The following NCOA4 variants were observed in gnomAD, a reference collection of about 807,000 sequenced individuals.
NCOA4 encodes the protein 70 kDa AR-activator.
A neutral mutation model predicts 69.5 loss-of-function variants in NCOA4; 31 were observed. The ratio of observed to expected loss-of-function variants is 0.45; its 90% confidence interval spans 0.34 to 0.60. NCOA4 has a LOEUF of 0.60. NCOA4 is among the 20% of genes least tolerant of loss of function. NCOA4 has a pLI of 0.02. For missense variants in NCOA4, 600 were observed against 719.2 expected, an observed-to-expected ratio of 0.83 and a Z score of 1.90; for synonymous variants, 228 against 252.4, an observed-to-expected ratio of 0.90 and a Z score of 0.92.
intron 1 of NCOA4, chr10:46,023,287 G>T: frequency 1.0e-6 from 1 of 985,466 alleles, no homozygotes; most frequent in Non-Finnish European, 1.2e-6. Context: ...AAGGCTACCG[G>T]CCTCAAGGGC....
chr10:46,009,659 C>T (rs1185399942), intron 8 of NCOA4, 108 bp from the exon 9 acceptor site: 2 of 1,055,154 alleles, frequency 1.9e-6, no homozygotes, highest in South Asian at 1.7e-5. Flanking sequence ...TGGCCATTCT[C>T]TGTAACAACC....
chr10:46,026,877 C>T (rs563820634), intron 1 of NCOA4, among the ~76,000 whole-genome samples: 1 of 152,078 alleles, frequency 6.6e-6, no homozygotes, highest in Non-Finnish European at 1.5e-5. Context: ...AATATTAAGC[C>T]CCAAAGGTGC....
At chr10:46,019,588 A>C (rs1455042475) in intron 1 of NCOA4, 2 of 910,810 alleles carry the variant, frequency 2.2e-6, no homozygotes, top group African/African-American at 3.6e-5. Flanking sequence ...TCCGGAACAT[A>C]CGGGAGACAA....
At chr10:46,012,108 A>AAAAAAAAG (rs1839268586) in intron 7 of NCOA4, among the ~76,000 whole-genome samples, 2 of 148,020 alleles carry the variant, frequency 1.4e-5, no homozygotes, top group South Asian at 2.1e-4. Context: ...AAAAAACGAA[A>AAAAAAAAG]AAAGAAAATA....
chr10:46,015,370 G>T, intron 2 of NCOA4, 104 bp from the exon 3 acceptor site: 5 of 432,784 alleles, frequency 1.2e-5, no homozygotes, highest in East Asian at 6.6e-5. Flanking sequence ...GTGGGGTTGG[G>T]GGGACCACAA....
At position 46,005,465 on chromosome 10, in the gene NCOA4, G is replaced by T. The variant is rs1554919293; in HGVS notation, c.*1127C>A. ...AAGAAGCTTAATAGTTTCAAAGTCT[G>T]GAAAGCAGCAAAGATATCTTAGAGA... is the stretch of plus-strand genomic sequence containing the variant. On this transcript the variant is annotated 3_prime_UTR_variant, in exon 10 of 10. Coordinates refer to ENST00000581486, the MANE Select transcript of NCOA4 (RefSeq NM_001145263.2). 1 of 220,374 alleles carries T rather than the reference G, an allele frequency of 4.5e-6. No individual in the cohort carries two copies. Among genetic ancestry groups the T allele is most frequent in the African/African-American group, 2.2e-5 (1 of 44,548 alleles). 13.7% of individuals were successfully genotyped at this position (220,374 alleles called of 1,614,324 possible). A position where few individuals can be genotyped will look rare whatever the true frequency, so the allele number is the denominator to read the frequency against.
intron 1 of NCOA4, chr10:46,027,422 T>A: frequency 6.4e-7 from 1 of 1,551,376 alleles, no homozygotes; most frequent in Non-Finnish European, 8.7e-7. Context: ...GAGATAGTAT[T>A]AATGCCTACC....
intron 1 of NCOA4, among the ~76,000 whole-genome samples, chr10:46,024,312 A>G (rs1840046627): frequency 6.6e-6 from 1 of 152,260 alleles, no homozygotes; most frequent in South Asian, 2.1e-4. Flanking sequence ...AAGGAATTCT[A>G]TTAAAATATA....
intron 4 of NCOA4, 147 bp downstream of exon 4, chr10:46,014,707 A>G (rs1336443130): frequency 2.6e-6 from 2 of 767,036 alleles, no homozygotes; most frequent in Non-Finnish European, 2.1e-6. Flanking sequence ...ATCAGCAAGT[A>G]TAATATTAAA....
rs150601782 is a variant in NCOA4 at position 46,010,436 on chromosome 10, C to T, written c.1485G>A (p.Ser495=). The T allele has an allele frequency of 1.9e-5, 30 of 1,614,176 alleles. No homozygotes were observed. In the African/African-American group the frequency reaches 2.3e-4, roughly 12 times the overall value. Residue 495 remains serine (S), a synonymous_variant, in exon 8 of 10, where the codon TCG becomes TCA. Coordinates refer to ENST00000581486, the MANE Select transcript of NCOA4 (RefSeq NM_001145263.2). ...SFQVIKNSPL[S]EWLIRPPYKE... is the part of the protein sequence containing the mutation. ...TGTATGGGGGCCTGATAAGCCACTC[C>T]GACAAGGGGCTGTTCTTTATGACTT...
chr10:46,006,734 G>T, intron 9 of NCOA4, 137 bp from the exon 10 acceptor site: 1 of 828,984 alleles, frequency 1.2e-6, no homozygotes, highest in Non-Finnish European at 2.0e-6. Context: ...TTAAGCATTT[G>T]TGTCATGAAC....
intron 2 of NCOA4, among the ~76,000 whole-genome samples, chr10:46,015,629 G>GA (rs1839495951): frequency 6.6e-6 from 1 of 152,100 alleles, no homozygotes; most frequent in Non-Finnish European, 1.5e-5. Flanking sequence ...GAAAATACAA[G>GA]AATGTACCAG....
At chr10:46,030,146 G>A (rs1554926246) in intron 1 of NCOA4, among the ~76,000 whole-genome samples, 1 of 152,240 alleles carries the variant, frequency 6.6e-6, no homozygotes, top group African/African-American at 2.4e-5. Flanking sequence ...GAAACTTGGA[G>A]CTGTCACACC....
At chr10:46,006,658 CT>C (rs1838833687) in intron 9 of NCOA4, 61 bp from the exon 10 acceptor site, 1 of 1,555,176 alleles carries the variant, frequency 6.4e-7, no homozygotes, top group Admixed American at 1.7e-5. Flanking sequence ...CAAATTTTCC[CT>C]GCCTTAAAGC....
chr10:46,014,098 G>GTCACTGCAACCTCCGCCTCCCAGC (rs1201043498), intron 5 of NCOA4, among the ~76,000 whole-genome samples: 7 of 151,902 alleles, frequency 4.6e-5, no homozygotes, highest in African/African-American at 1.7e-4. Flanking sequence ...ACGATCTCAG[G>GTCACTGCAACCTCCGCCTCCCAGC]TCACTGCAAC....
At chr10:46,019,424 G>A (rs1365244485) in intron 1 of NCOA4, 5 of 985,344 alleles carry the variant, frequency 5.1e-6, no homozygotes, top group Non-Finnish European at 4.8e-6. Flanking sequence ...CTGTTTAGCA[G>A]TCTTTCAAAT....
rs1161973039 is a variant in NCOA4 at position 46,014,849 on chromosome 10, A to T, written c.371+5T>A. 4 of 1,612,050 alleles carry T rather than the reference A, an allele frequency of 2.5e-6. No homozygotes were observed. In the Admixed American group the frequency reaches 5.0e-5, roughly 20 times the overall value. On this transcript the variant is annotated splice_donor_5th_base_variant and intron_variant, in intron 4 of 9. Coordinates refer to ENST00000581486, the MANE Select transcript of NCOA4 (RefSeq NM_001145263.2). ...AAAGTTAAAATACGCAAAAAGGGTC[A>T]TTACCTCTCCAGGCACACAGAGACT...
In NCOA4 at chr10:46,014,567, A is replaced by C. The variant is rs782272395; in HGVS notation, c.372-15T>G. ...AACTGCCCAGTCTGGGGAAAAAAAAACAAAATTGGCTATTTTTAAGGAATA... is the reference window on the plus strand; with the variant it reads ...AACTGCCCAGTCTGGGGAAAAAAAACCAAAATTGGCTATTTTTAAGGAATA... On this transcript the variant is annotated splice_polypyrimidine_tract_variant and intron_variant, in intron 4 of 9. Transcript: ENST00000581486. The C allele has an allele frequency of 1.0e-5, 16 of 1,556,680 alleles. No individual in the cohort carries two copies. In the East Asian group the frequency reaches 1.1e-4, roughly 11 times the overall value.
chr10:46,014,669 C>T, intron 4 of NCOA4, 117 bp from the exon 5 acceptor site: 1 of 839,688 alleles, frequency 1.2e-6, no homozygotes, highest in East Asian at 2.6e-5. Context: ...CTAAGAAACT[C>T]AACCAAAGAT....
Sources: allele counts gnomAD v4.1 joint callset (sites outside exome capture counted in the v4.1 genomes callset), GRCh38; gene constraint gnomAD v4.1.1; transcripts MANE v1.5; gene names NCBI Gene and HGNC (gene_info 2026-07-23, HGNC 2026-07-21).